The following GPR176 variants were observed in gnomAD, a reference collection of about 807,000 sequenced individuals.
The protein encoded by GPR176 is G protein-coupled receptor 176, also known as G-protein coupled receptor 176.
Under a neutral mutation model 35.4 loss-of-function variants are expected in GPR176, and 26 were observed. The observed-to-expected ratio is 0.74, with a 90% confidence interval of 0.54 to 1.02. GPR176 has a LOEUF of 1.02. Ranked by LOEUF, GPR176 falls within the 50% of genes least tolerant of loss-of-function variation. The probability of loss-of-function intolerance (pLI) is 0.00; values close to 1 mark genes in which losing one functional copy is unlikely to be tolerated. For synonymous variants in GPR176, 278 were observed against 271.3 expected, an observed-to-expected ratio of 1.02 and a Z score of -0.24; for missense variants, 597 against 665.3, an observed-to-expected ratio of 0.90 and a Z score of 1.13.
At chr15:39,888,252 T>G (rs199995160) in intron 1 of GPR176, among the ~76,000 whole-genome samples, 1 of 151,292 alleles carries the variant, frequency 6.6e-6, no homozygotes, top group African/African-American at 2.4e-5. Context: ...TTGGTTTTTT[T>G]GGGGGGTGAA....
intron 1 of GPR176, among the ~76,000 whole-genome samples, chr15:39,821,698 T>A (rs531072707): frequency 6.6e-6 from 1 of 152,192 alleles, no homozygotes; most frequent in East Asian, 1.9e-4. Flanking sequence ...TATACTCATA[T>A]GGATGGAAGG....
chr15:39,803,569 C>T (rs943308258), intron 2 of GPR176, among the ~76,000 whole-genome samples: 1 of 152,148 alleles, frequency 6.6e-6, no homozygotes, highest in Non-Finnish European at 1.5e-5. Flanking sequence ...ACGTGAGCCA[C>T]CGTGCCCAGC....
rs756203156 is a variant in GPR176, at chr15:39,801,285, G to A, written c.1395C>T (p.Leu465=). 2 of 1,614,196 alleles carry A rather than the reference G, an allele frequency of 1.2e-6. No homozygotes were observed. The highest frequency in any genetic ancestry group is 1.1e-5 in the South Asian group (1 of 91,090). ...GCTTCTTGCTGTTTCGGGTCTCTGA[G>A]AGCCACTGAGGAGGCAACTCAAAAG... ...FGPFELPPQW[L]SETRNSKKRL... is the part of the protein sequence containing the mutation. The change falls in exon 3 of 3, where the codon CTC becomes CTT. Residue 465 remains leucine (L), a synonymous_variant. Coordinates refer to ENST00000561100, the MANE Select transcript of GPR176 (RefSeq NM_007223.3).
intron 1 of GPR176, among the ~76,000 whole-genome samples, chr15:39,833,786 A>G (rs184343171): frequency 1.3e-5 from 2 of 152,290 alleles, no homozygotes; most frequent in East Asian, 3.9e-4. Flanking sequence ...GCTTTTAGTG[A>G]CTGTTTTGCT....
chr15:39,918,094 C>T (rs1208164841), intron 1 of GPR176, among the ~76,000 whole-genome samples: 1 of 145,962 alleles, frequency 6.9e-6, no homozygotes, highest in African/African-American at 2.5e-5. Context: ...CACCATAGAT[C>T]AAGAGGAAAT....
intron 1 of GPR176, among the ~76,000 whole-genome samples, chr15:39,896,963 G>A (rs1375106798): frequency 6.6e-6 from 1 of 152,198 alleles, no homozygotes; most frequent in Non-Finnish European, 1.5e-5. Flanking sequence ...TTAAAACACT[G>A]CCTCTATCTC....
chr15:39,830,351 G>C (rs1900985949), intron 1 of GPR176, among the ~76,000 whole-genome samples: 1 of 152,228 alleles, frequency 6.6e-6, no homozygotes, highest in South Asian at 2.1e-4. Flanking sequence ...CATATAGATA[G>C]ATAAGTATTT....
chr15:39,918,315 C>T (rs1566973148), intron 1 of GPR176, among the ~76,000 whole-genome samples: 1 of 152,176 alleles, frequency 6.6e-6, no homozygotes, highest in African/African-American at 2.4e-5. Flanking sequence ...CTGTCTTCTA[C>T]TTCAATAGTA....
intron 1 of GPR176, among the ~76,000 whole-genome samples, chr15:39,864,908 A>G (rs1024922378): frequency 2.0e-4 from 30 of 151,870 alleles, no homozygotes; most frequent in African/African-American, 7.2e-4. Context: ...AAAAGAAGAC[A>G]TACAAATGGC....
At chr15:39,807,588 C>G in intron 1 of GPR176, 1 of 1,478,200 alleles carries the variant, frequency 6.8e-7, no homozygotes, top group Non-Finnish European at 9.1e-7. Flanking sequence ...GCAGTCTGCT[C>G]TTATCAAGTT....
intron 1 of GPR176, among the ~76,000 whole-genome samples, chr15:39,822,022 G>A (rs961347264): frequency 3.3e-5 from 5 of 152,232 alleles, no homozygotes; most frequent in East Asian, 1.9e-4. Flanking sequence ...TCTGGGGAAA[G>A]CCAAATGACA....
intron 1 of GPR176, among the ~76,000 whole-genome samples, chr15:39,824,867 T>C (rs993674274): frequency 6.6e-6 from 1 of 152,226 alleles, no homozygotes; most frequent in Non-Finnish European, 1.5e-5. Flanking sequence ...AAAACAGTTT[T>C]AGTTTCTTCC....
intron 1 of GPR176, among the ~76,000 whole-genome samples, chr15:39,811,832 C>T (rs920733287): frequency 6.6e-6 from 1 of 151,434 alleles, no homozygotes; most frequent in Admixed American, 6.6e-5. Flanking sequence ...AGGAGAATGG[C>T]GTGAACCTGG....
chr15:39,808,106 C>T (rs193098511), intron 1 of GPR176, among the ~76,000 whole-genome samples: 54 of 152,288 alleles, frequency 3.5e-4, no homozygotes, highest in African/African-American at 1.3e-3. Flanking sequence ...GCTCCGCCCC[C>T]TCTATCCTCT....
intron 1 of GPR176, among the ~76,000 whole-genome samples, chr15:39,894,080 G>A (rs1426849165): frequency 3.7e-4 from 15 of 41,000 alleles, no homozygotes; most frequent in Admixed American, 9.2e-4. Context: ...CTGGCCAGGC[G>A]GGGGGCTGAC....
At chr15:39,916,225 T>C (rs1471020761) in intron 1 of GPR176, among the ~76,000 whole-genome samples, 1 of 152,174 alleles carries the variant, frequency 6.6e-6, no homozygotes, top group East Asian at 1.9e-4. Flanking sequence ...TCCAGATCTT[T>C]TGGAGTCTTT....
At chr15:39,843,445 G>C (rs549029326) in intron 1 of GPR176, among the ~76,000 whole-genome samples, 3 of 152,112 alleles carry the variant, frequency 2.0e-5, no homozygotes, top group Non-Finnish European at 4.4e-5. Context: ...ATCGACTGCA[G>C]CATACCCTTC....
intron 1 of GPR176, among the ~76,000 whole-genome samples, chr15:39,916,340 ATGT>A (rs1246211673): frequency 6.6e-6 from 1 of 152,210 alleles, no homozygotes; most frequent in Non-Finnish European, 1.5e-5. Context: ...ATATGCCAAG[ATGT>A]TGTATAAAGA....
In GPR176 at chr15:39,801,233, G is replaced by C; in HGVS notation, c.1447C>G (p.Pro483Ala). ...KRLLPPLGNT[P>A]EELIQTKVPK... ...ACCTTTGTCTGGATCAGCTCTTCTG[G>C]GGTGTTGCCCAAGGGGGGAAGCAGC... is the stretch of plus-strand genomic sequence containing the variant. Residue 483 changes from proline (P) to alanine (A), a missense_variant, in exon 3 of 3, where the codon CCA becomes GCA. Pro to Ala is a conservative substitution (Grantham distance 27). Around this residue, in one of 3 missense-constraint regions of GPR176, gnomAD observed 251 missense variants for 255.4 expected, o/e 0.98. Coordinates refer to ENST00000561100, the MANE Select transcript of GPR176 (RefSeq NM_007223.3). 6.2e-7 allele frequency: 1 copy of C among 1,614,058 alleles called. No individual in the cohort carries two copies. Among genetic ancestry groups the C allele is most frequent in the East Asian group, 2.2e-5 (1 of 44,882 alleles).
Sources: gnomAD v4.1 joint callset for allele counts (sites outside exome capture counted in the v4.1 genomes callset) on GRCh38, gnomAD v4.1.1 for gene constraint, gnomAD v4.1.1 regional missense constraint, MANE v1.5 for transcripts, NCBI Gene and HGNC (gene_info 2026-07-23, HGNC 2026-07-21) for gene names.